NTN1: variants seen among roughly 807,000 people sequenced by gnomAD.
NTN1 encodes the protein netrin-1.
A neutral mutation model predicts 54.2 loss-of-function variants in NTN1; 11 were observed. The observed-to-expected ratio is 0.20, with a 90% CI of 0.13 to 0.34. The LOEUF (loss-of-function observed/expected upper bound fraction) is 0.34, where lower values mean the gene tolerates loss of function less well. NTN1 is among the 10% of genes least tolerant of loss of function. NTN1 has a pLI of 1.00. For synonymous variants in NTN1, 371 were observed against 382.0 expected (o/e 0.97, Z 0.33); for missense variants, 740 against 893.1 (o/e 0.83, Z 2.18).
chr17:9,185,569 G>T (rs1479626472), intron 5 of NTN1, among the ~76,000 whole-genome samples: 2 of 152,110 alleles, frequency 1.3e-5, no homozygotes, highest in Non-Finnish European at 2.9e-5. Flanking sequence ...GGGCAGGGAG[G>T]TGAGGAACGT....
chr17:9,119,850 G>A (rs2092226788), intron 2 of NTN1, among the ~76,000 whole-genome samples: 1 of 152,040 alleles, frequency 6.6e-6, no homozygotes, highest in Admixed American at 6.6e-5. Flanking sequence ...TGCTCATTGT[G>A]GTTTTGGTTT....
intron 3 of NTN1, 97 bp from the exon 4 acceptor site, chr17:9,179,710 C>T: frequency 7.0e-7 from 1 of 1,428,918 alleles, no homozygotes; most frequent in Admixed American, 2.2e-5. Context: ...TCCTCCAGGG[C>T]AGGGTCCATG....
chr17:9,238,352 G>C lies in NTN1; in HGVS notation c.1487-1288G>C, dbSNP rs564710535. 2.7e-3 allele frequency among the ~76,000 whole-genome samples: 404 copies of C among 152,312 alleles called. 8 individuals carry two copies. The highest frequency in any genetic ancestry group is 1.1e-3 in the Non-Finnish European group (73 of 68,024). ...CAAGTCTACTCCATGGCCCAGCCTG[G>C]GGAATAAAGGTGTTTCGCCCAGTGA... On this transcript the variant is annotated intron_variant, in intron 6 of 6. Coordinates refer to ENST00000173229, the MANE Select transcript of NTN1 (RefSeq NM_004822.3).
chr17:9,052,095 C>G (rs937459657), intron 2 of NTN1, among the ~76,000 whole-genome samples: 2 of 152,172 alleles, frequency 1.3e-5, no homozygotes, highest in Admixed American at 1.3e-4. Context: ...GCCTCAGACT[C>G]TCAAGTTGCT....
chr17:9,232,450 T>TGATTCTACTTCTGCCCTCCTTGCCC (rs1567747747), intron 6 of NTN1, among the ~76,000 whole-genome samples: 10 of 152,222 alleles, frequency 6.6e-5, no homozygotes, highest in African/African-American at 2.2e-4. Context: ...TCTGGCTCTC[T>TGATTCTACTTCTGCCCTCCTTGCCC]AGGACCTCCA....
chr17:9,195,099 C>A (rs1381006979), intron 5 of NTN1, among the ~76,000 whole-genome samples: 2 of 152,262 alleles, frequency 1.3e-5, no homozygotes, highest in Non-Finnish European at 2.9e-5. Context: ...TTCCCCACCC[C>A]CTCGTCCTTT....
intron 2 of NTN1, among the ~76,000 whole-genome samples, chr17:9,047,415 G>A (rs975204469): frequency 6.6e-6 from 1 of 152,178 alleles, no homozygotes; most frequent in Non-Finnish European, 1.5e-5. Context: ...AATGCTCATA[G>A]CATCTTCACC....
chr17:9,201,378 G>A (rs962347130), intron 5 of NTN1, among the ~76,000 whole-genome samples: 2 of 152,196 alleles, frequency 1.3e-5, no homozygotes, highest in African/African-American at 4.8e-5. Context: ...ATATTACCAT[G>A]AGGAAGAGCA....
intron 5 of NTN1, among the ~76,000 whole-genome samples, chr17:9,199,147 TG>T (rs1454110703): frequency 6.6e-6 from 1 of 152,216 alleles, no homozygotes. Flanking sequence ...TCTTTCTTTT[TG>T]TTTGTTTGTT....
At chr17:9,197,383 G>A (rs1904665007) in intron 5 of NTN1, among the ~76,000 whole-genome samples, 2 of 152,168 alleles carry the variant, frequency 1.3e-5, no homozygotes, top group African/African-American at 4.8e-5. Context: ...CGTGGGCCAG[G>A]CGTGGTGGCT....
At position 9,239,894 on chromosome 17, in the gene NTN1, T is replaced by C. The variant is rs1906130868; in HGVS notation, c.1741T>C (p.Trp581Arg). ...VADKSSLVIQ[W>R]RDTWARRLRK... is the part of the protein sequence containing the mutation. The stretch of plus-strand genomic sequence containing the variant: ...CGATAAAAGCAGCCTGGTGATCCAG[T>C]GGCGGGACACGTGGGCGCGGCGGCT... Residue 581 changes from tryptophan to arginine, a missense_variant, in exon 7 of 7, where the codon TGG becomes CGG. Transcript: ENST00000173229. This position sits in a 1 kb window ranked among gnomAD's most constrained non-coding sequence, Gnocchi z 5.2. The C allele has an allele frequency of 7.2e-7, 1 of 1,392,778 alleles. No individual in the cohort carries two copies. Among genetic ancestry groups the C allele is most frequent in the Non-Finnish European group, 9.6e-7 (1 of 1,044,388 alleles). 86.3% of individuals were successfully genotyped at this position (1,392,778 alleles called of 1,614,324 possible).
At chr17:9,056,523 G>A (rs1169160280) in intron 2 of NTN1, among the ~76,000 whole-genome samples, 3 of 152,218 alleles carry the variant, frequency 2.0e-5, no homozygotes, top group Non-Finnish European at 4.4e-5. Flanking sequence ...CAGAAGCAGG[G>A]AAGGACCCTG....
chr17:9,197,484 C>T (rs1006175917), intron 5 of NTN1, among the ~76,000 whole-genome samples: 8 of 151,872 alleles, frequency 5.3e-5, no homozygotes, highest in Non-Finnish European at 1.0e-4. Context: ...CATGGCGAAA[C>T]CCTGTCTCTA....
chr17:9,189,994 C>T (rs7213439), intron 5 of NTN1, among the ~76,000 whole-genome samples: 94,916 of 152,072 alleles, frequency 0.62, 30,284 homozygotes, highest in African/African-American at 0.73. Flanking sequence ...TAAAGAAACC[C>T]AAAACCCCCA....
chr17:9,110,516 T>C (rs962125370), intron 2 of NTN1, among the ~76,000 whole-genome samples: 4 of 152,098 alleles, frequency 2.6e-5, no homozygotes, highest in African/African-American at 9.7e-5. Context: ...GTGATCCACC[T>C]GCCTTCTTGG....
chr17:9,176,158 C>A (rs116186130), intron 3 of NTN1: 4,345 of 105,952 alleles, frequency 0.041, 203 homozygotes, highest in African/African-American at 0.13. Flanking sequence ...TCACTCCACA[C>A]CTCCCCTCCC....
intron 2 of NTN1, among the ~76,000 whole-genome samples, chr17:9,060,108 C>T (rs2091992007): frequency 6.6e-6 from 1 of 152,166 alleles, no homozygotes; most frequent in Non-Finnish European, 1.5e-5. Flanking sequence ...CCTCGAACAA[C>T]ACAGGCTTGA....
At chr17:9,200,404 C>T (rs372518274) in intron 5 of NTN1, among the ~76,000 whole-genome samples, 161 of 152,320 alleles carry the variant, frequency 1.1e-3, no homozygotes, top group African/African-American at 3.7e-3. Flanking sequence ...TAACTCTGCC[C>T]GCCGAGTGGG....
intron 2 of NTN1, among the ~76,000 whole-genome samples, chr17:9,063,899 A>G (rs9896348): frequency 0.12 from 17,602 of 152,064 alleles, 1,344 homozygotes; most frequent in Non-Finnish European, 0.16. Context: ...GTCACTACCA[A>G]CTGCTCATGA....
Sources: gnomAD v4.1 joint callset for allele counts (sites outside exome capture counted in the v4.1 genomes callset) on GRCh38, gnomAD v4.1.1 for gene constraint, Gnocchi (gnomAD v3.1) non-coding constraint, MANE v1.5 for transcripts, NCBI Gene and HGNC (gene_info 2026-07-23, HGNC 2026-07-21) for gene names.